The following MSRA variants were observed in gnomAD, a reference collection of about 807,000 sequenced individuals.
MSRA encodes methionine sulfoxide reductase A.
A neutral mutation model predicts 31.3 loss-of-function variants in MSRA; 54 were observed. The ratio of observed to expected loss-of-function variants is 1.73; its 90% CI spans 1.39 to 2.17. The LOEUF (loss-of-function observed/expected upper bound fraction) is 2.17. Ranked by LOEUF, MSRA falls within the 30% of genes most tolerant of loss-of-function variation. The pLI is 0.00. For missense variants in MSRA, 507 were observed against 300.9 expected, an observed-to-expected ratio of 1.69 and a Z score of -5.07; for synonymous variants, 169 against 116.5, an observed-to-expected ratio of 1.45 and a Z score of -2.90.
chr8:10,248,300 C>A (rs1424406795), intron 3 of MSRA, among the ~76,000 whole-genome samples: 1 of 152,198 alleles, frequency 6.6e-6, no homozygotes, highest in Non-Finnish European at 1.5e-5. Context: ...CAGATTCCTT[C>A]TCTCATAAAG....
At chr8:10,272,348 C>T (rs982429869) in intron 3 of MSRA, among the ~76,000 whole-genome samples, 2 of 152,126 alleles carry the variant, frequency 1.3e-5, no homozygotes, top group South Asian at 4.1e-4. Context: ...TGGCATAGTT[C>T]CAGTCCAAAT....
At chr8:10,073,270 T>A (rs1314539533) in intron 1 of MSRA, among the ~76,000 whole-genome samples, 1 of 152,202 alleles carries the variant, frequency 6.6e-6, no homozygotes, top group Non-Finnish European at 1.5e-5. Flanking sequence ...AGATGCTGTT[T>A]ATTGAGTTAC....
At chr8:10,294,445 G>A (rs968691418) in intron 3 of MSRA, among the ~76,000 whole-genome samples, 1 of 152,166 alleles carries the variant, frequency 6.6e-6, no homozygotes. Flanking sequence ...GGTGCTATCA[G>A]TGTCCCCATT....
At chr8:10,377,919 G>C (rs1653296279) in intron 5 of MSRA, among the ~76,000 whole-genome samples, 1 of 152,246 alleles carries the variant, frequency 6.6e-6, no homozygotes, top group South Asian at 2.1e-4. Context: ...TGATCCAGGA[G>C]GGACTGCGCT....
intron 4 of MSRA, among the ~76,000 whole-genome samples, chr8:10,303,046 C>T (rs548735457): frequency 6.6e-6 from 1 of 152,296 alleles, no homozygotes; most frequent in East Asian, 1.9e-4. Flanking sequence ...GTCATCAATC[C>T]AGATGGAGCA....
intron 3 of MSRA, among the ~76,000 whole-genome samples, chr8:10,290,216 C>G (rs955685295): frequency 6.6e-6 from 1 of 152,136 alleles, no homozygotes; most frequent in African/African-American, 2.4e-5. Flanking sequence ...GAGCAGGTCC[C>G]AAGAAGCACT....
intron 1 of MSRA, among the ~76,000 whole-genome samples, chr8:10,083,691 T>TC (rs1419578506): frequency 1.3e-5 from 2 of 152,244 alleles, no homozygotes; most frequent in African/African-American, 4.8e-5. Context: ...AGGTTTTTTT[T>TC]TCCTTATTCT....
At position 10,393,885 on chromosome 8, in the gene MSRA, G is replaced by T. The variant is rs544474945; in HGVS notation, c.544-34263G>T. ...GGCTTTGTGCATGTACATGCATAGG[G>T]TTGGCATGAAGATACTATGTGTATA... On this transcript the variant is annotated intron_variant, in intron 5 of 5. Coordinates refer to ENST00000317173, the MANE Select transcript of MSRA (RefSeq NM_012331.5). Among the ~76,000 whole-genome samples the T allele has an allele frequency of 8.5e-5, 13 of 152,334 alleles. 1 individual carries two copies. Among genetic ancestry groups the T allele is most frequent in the African/African-American group, 3.1e-4 (13 of 41,580 alleles).
intron 3 of MSRA, among the ~76,000 whole-genome samples, chr8:10,266,294 G>C (rs895571310): frequency 6.6e-6 from 1 of 152,158 alleles, no homozygotes; most frequent in African/African-American, 2.4e-5. Context: ...ATTGTAACAG[G>C]TGTGTAGCCG....
At chr8:10,219,953 G>C (rs1810349092) in intron 2 of MSRA, among the ~76,000 whole-genome samples, 2 of 151,674 alleles carry the variant, frequency 1.3e-5, no homozygotes. Flanking sequence ...GGAATAACTG[G>C]AAATGTTACC....
At chr8:10,371,095 C>G (rs932056298) in intron 5 of MSRA, among the ~76,000 whole-genome samples, 1 of 152,168 alleles carries the variant, frequency 6.6e-6, no homozygotes, top group African/African-American at 2.4e-5. Context: ...CTGCCGCAAT[C>G]CCGATGAAGG....
chr8:10,336,438 C>CT (rs779483098), intron 5 of MSRA, among the ~76,000 whole-genome samples: 41 of 144,184 alleles, frequency 2.8e-4, no homozygotes, highest in East Asian at 1.0e-3. Context: ...AATTTTAATC[C>CT]TTTTTTTTTT....
chr8:10,292,488 T>C (rs1800294157), intron 3 of MSRA, among the ~76,000 whole-genome samples: 1 of 152,238 alleles, frequency 6.6e-6, no homozygotes, highest in Admixed American at 6.5e-5. Context: ...CACCACTTTT[T>C]GCATCTCCTC....
At chr8:10,105,012 A>G (rs541102770) in intron 1 of MSRA, among the ~76,000 whole-genome samples, 23 of 152,298 alleles carry the variant, frequency 1.5e-4, no homozygotes, top group African/African-American at 5.5e-4. Flanking sequence ...TGTTACGTTT[A>G]TTGGTATAGC....
At chr8:10,075,120 G>T (rs531308479) in intron 1 of MSRA, among the ~76,000 whole-genome samples, 1 of 152,210 alleles carries the variant, frequency 6.6e-6, no homozygotes, top group African/African-American at 2.4e-5. Context: ...TTTTATTTAA[G>T]TTTATAATAG....
intron 1 of MSRA, among the ~76,000 whole-genome samples, chr8:10,093,678 TAA>T (rs2128928621): frequency 6.6e-6 from 1 of 152,364 alleles, no homozygotes; most frequent in African/African-American, 2.4e-5. Flanking sequence ...ATACTATTTG[TAA>T]AATATTCACT....
At chr8:10,320,080 T>C (rs1801962797) in intron 5 of MSRA, 91 bp downstream of exon 5, 2 of 747,248 alleles carry the variant, frequency 2.7e-6, no homozygotes, top group Non-Finnish European at 4.3e-6. Context: ...GCTTTTCAAC[T>C]GGAATTGTGT....
intron 3 of MSRA, among the ~76,000 whole-genome samples, chr8:10,281,559 G>C (rs1333092835): frequency 3.3e-5 from 5 of 152,230 alleles, no homozygotes; most frequent in Non-Finnish European, 5.9e-5. Context: ...TGCAAGTGCA[G>C]TGAACATAGG....
intron 3 of MSRA, among the ~76,000 whole-genome samples, chr8:10,248,529 G>A (rs1194661649): frequency 1.3e-5 from 2 of 152,190 alleles, no homozygotes; most frequent in African/African-American, 2.4e-5. Flanking sequence ...CCCCTGCTGT[G>A]CCAGTGGGTC....
Sources: gnomAD v4.1 joint callset for allele counts (sites outside exome capture counted in the v4.1 genomes callset) on GRCh38, gnomAD v4.1.1 for gene constraint, MANE v1.5 for transcripts, NCBI Gene and HGNC (gene_info 2026-07-23, HGNC 2026-07-21) for gene names.